LZTFL1: variants seen among roughly 807,000 people sequenced by gnomAD.
LZTFL1 encodes the protein leucine zipper transcription factor like 1, also known as leucine zipper transcription factor-like protein 1.
LZTFL1 carries 25 observed loss-of-function variants against 45.9 expected under a neutral mutation model. The observed-to-expected ratio is 0.54, with a 90% CI of 0.40 to 0.76. The LOEUF (loss-of-function observed/expected upper bound fraction) is 0.76. Ranked by LOEUF, LZTFL1 falls within the 30% of genes least tolerant of loss-of-function variation. The pLI is 0.00. For missense variants in LZTFL1, 277 were observed against 331.1 expected (o/e 0.84, Z 1.27); for synonymous variants, 93 against 117.4 (o/e 0.79, Z 1.35).
chr3:45,867,522 T>C (rs1165290487), intron 2 of LZTFL1, among the ~76,000 whole-genome samples: 1 of 152,112 alleles, frequency 6.6e-6, no homozygotes, highest in Non-Finnish European at 1.5e-5. Context: ...TGGAAGTTTA[T>C]ATTGTTACTA....
intron 1 of LZTFL1, among the ~76,000 whole-genome samples, chr3:45,839,680 T>C (rs1424577788): frequency 6.6e-6 from 1 of 152,222 alleles, no homozygotes; most frequent in African/African-American, 2.4e-5. Flanking sequence ...TAGGGGGGCC[T>C]GATTTGTAGC....
intron 2 of LZTFL1, among the ~76,000 whole-genome samples, chr3:45,896,937 C>A (rs1702374592): frequency 6.6e-6 from 1 of 152,204 alleles, no homozygotes; most frequent in Non-Finnish European, 1.5e-5. Flanking sequence ...TTCCAGAGAA[C>A]ACATGAGCCA....
chr3:45,841,878 GC>G (rs1224437077), intron 1 of LZTFL1, 110 bp downstream of exon 1: 1 of 1,404,930 alleles, frequency 7.1e-7, no homozygotes, highest in Non-Finnish European at 9.8e-7. Context: ...CTGAGGTGCG[GC>G]CAGACCCAAC....
At chr3:45,858,709 T>A (rs532005062) in intron 3 of LZTFL1, among the ~76,000 whole-genome samples, 1 of 152,306 alleles carries the variant, frequency 6.6e-6, no homozygotes, top group East Asian at 1.9e-4. Context: ...AGATAGAGAA[T>A]TTTGTTAAAT....
rs977976262 is a variant in LZTFL1, at chr3:45,824,033, C to A, written c.*2281G>T. 4 of 152,062 alleles carry A rather than the reference C, an allele frequency of 2.6e-5. No homozygotes were observed. Among genetic ancestry groups the A allele is most frequent in the Non-Finnish European group, 5.9e-5 (4 of 67,994 alleles). 9.4% of individuals were successfully genotyped at this position (152,062 alleles called of 1,614,324 possible). ...ATTTAATATAGGTTAAAATGTAATA[C>A]ATAAAGAGAAAAAATGAACACAAAT... On this transcript the variant is annotated 3_prime_UTR_variant, in exon 10 of 10. Coordinates refer to ENST00000296135, the MANE Select transcript of LZTFL1 (RefSeq NM_020347.4).
chr3:45,836,618 G>T (rs867725389), intron 2 of LZTFL1, among the ~76,000 whole-genome samples: 3 of 152,132 alleles, frequency 2.0e-5, no homozygotes, highest in African/African-American at 7.2e-5. Flanking sequence ...TCATGCCACC[G>T]CACTCCAGCC....
At chr3:45,870,544 G>A (rs1172069992) in intron 2 of LZTFL1, among the ~76,000 whole-genome samples, 3 of 152,210 alleles carry the variant, frequency 2.0e-5, no homozygotes, top group Admixed American at 1.3e-4. Flanking sequence ...TGAACAATGA[G>A]TGCTTTTGAC....
chr3:45,901,670 C>T lies in LZTFL1; in HGVS notation c.-215+11450G>A. The T allele has an allele frequency of 2.5e-6, 4 of 1,613,982 alleles. No homozygotes were observed. Among genetic ancestry groups the T allele is most frequent in the Non-Finnish European group, 3.4e-6 (4 of 1,179,824 alleles). Reference sequence around the variant, plus strand: ...TCTCCAACTGTGCCGTTTCCACCAACATTGACATCTGCTTCCAGGTCACCC... The same window carrying T: ...TCTCCAACTGTGCCGTTTCCACCAATATTGACATCTGCTTCCAGGTCACCC... On this transcript the variant is annotated intron_variant, in intron 2 of 4. Transcript: ENST00000472635. The surrounding 1 kb of genome is among the most constrained non-coding windows in gnomAD (Gnocchi z 4.3).
At chr3:45,832,793 A>G (rs1208339020) in intron 5 of LZTFL1, 3 of 309,996 alleles carry the variant, frequency 9.7e-6, no homozygotes, top group South Asian at 1.4e-4. Context: ...CAAACTTTAA[A>G]TGTCCATCAA....
intron 1 of LZTFL1, among the ~76,000 whole-genome samples, chr3:45,838,838 T>C (rs1056074784): frequency 6.6e-6 from 1 of 152,190 alleles, no homozygotes; most frequent in Non-Finnish European, 1.5e-5. Context: ...GAGGATAGAA[T>C]GGAGATAGCA....
intron 2 of LZTFL1, chr3:45,883,718 T>C: frequency 1.7e-6 from 1 of 573,964 alleles, no homozygotes; most frequent in South Asian, 2.4e-5. Context: ...AGGCTAAAGC[T>C]GAAAGTGCCA....
At chr3:45,848,534 G>T (rs939115153) in intron 4 of LZTFL1, among the ~76,000 whole-genome samples, 4 of 152,212 alleles carry the variant, frequency 2.6e-5, no homozygotes, top group Non-Finnish European at 5.9e-5. Context: ...GAGATGAACT[G>T]CTCAGGTGGA....
chr3:45,913,198 A>G, intron 1 of LZTFL1: 5 of 1,459,186 alleles, frequency 3.4e-6, no homozygotes, highest in Non-Finnish European at 4.6e-6. Context: ...ATACAATTAC[A>G]CAAATTAAAC....
At chr3:45,895,229 G>A in intron 2 of LZTFL1, 1 of 515,810 alleles carries the variant, frequency 1.9e-6, no homozygotes, top group South Asian at 2.8e-5. Flanking sequence ...CTTTAACTAG[G>A]GTGTGCTTAG....
upstream of LZTFL1, among the ~76,000 whole-genome samples, chr3:45,843,781 C>T (rs1423081155): frequency 2.0e-5 from 3 of 152,160 alleles, no homozygotes; most frequent in African/African-American, 7.2e-5. Context: ...CAAATCTGAA[C>T]ATGAATTTTA....
chr3:45,905,716 C>T (rs1450319951), intron 2 of LZTFL1, among the ~76,000 whole-genome samples: 1 of 152,222 alleles, frequency 6.6e-6, no homozygotes, highest in African/African-American at 2.4e-5. Flanking sequence ...TGGTGGCACT[C>T]TGATGGGCAG....
chr3:45,831,676 GT>G (rs959258390), intron 5 of LZTFL1, among the ~76,000 whole-genome samples: 4 of 152,186 alleles, frequency 2.6e-5, no homozygotes, highest in African/African-American at 9.7e-5. Flanking sequence ...ACTGCACTCT[GT>G]TTCAAGTCAT....
At chr3:45,905,273 T>C (rs1215055711) in intron 2 of LZTFL1, among the ~76,000 whole-genome samples, 1 of 152,150 alleles carries the variant, frequency 6.6e-6, no homozygotes, top group East Asian at 1.9e-4. Context: ...GCTCCTCCCT[T>C]CCAGTTGAGG....
upstream of LZTFL1, among the ~76,000 whole-genome samples, chr3:45,842,614 GTTA>G (rs1239692224): frequency 6.6e-6 from 1 of 152,032 alleles, no homozygotes; most frequent in Admixed American, 6.5e-5. Flanking sequence ...TTACTGTGTT[GTTA>G]TTATCTTCTC....
Sources: gnomAD v4.1 joint callset for allele counts (sites outside exome capture counted in the v4.1 genomes callset) on GRCh38, gnomAD v4.1.1 for gene constraint, Gnocchi (gnomAD v3.1) non-coding constraint, MANE v1.5 for transcripts, NCBI Gene and HGNC (gene_info 2026-07-23, HGNC 2026-07-21) for gene names.